The following DLGAP1 variants were observed in gnomAD, a reference collection of about 807,000 sequenced individuals.
DLGAP1 encodes the protein disks large-associated protein 1.
A neutral mutation model predicts 90.8 loss-of-function variants in DLGAP1; 11 were observed. The observed-to-expected ratio is 0.12, with a 90% CI of 0.08 to 0.20. DLGAP1 has a LOEUF of 0.20. DLGAP1 is among the 10% of genes least tolerant of loss of function. The pLI is 1.00. For missense variants in DLGAP1, 1,050 were observed against 1,333.8 expected, an observed-to-expected ratio of 0.79 and a Z score of 3.31; for synonymous variants, 558 against 540.7, an observed-to-expected ratio of 1.03 and a Z score of -0.44.
At chr18:3,956,492 T>G (rs1040742072) in intron 3 of DLGAP1, among the ~76,000 whole-genome samples, 44 of 151,772 alleles carry the variant, frequency 2.9e-4, no homozygotes, top group African/African-American at 1.0e-3. Context: ...GGGACTACAG[T>G]CACCCGCCAC....
At chr18:3,508,750 A>G in intron 10 of DLGAP1, 89 bp from the exon 11 acceptor site, 1 of 1,056,812 alleles carries the variant, frequency 9.5e-7, no homozygotes. Flanking sequence ...TTATGCTGTA[A>G]TAATTAGGGA....
chr18:3,591,840 G>A (rs1235961058), intron 7 of DLGAP1, among the ~76,000 whole-genome samples: 1 of 152,114 alleles, frequency 6.6e-6, no homozygotes, highest in Non-Finnish European at 1.5e-5. Context: ...AACAACAAAG[G>A]CAAGGGCTCA....
intron 2 of DLGAP1, among the ~76,000 whole-genome samples, chr18:4,048,601 T>C (rs138131862): frequency 4.0e-3 from 605 of 152,338 alleles, no homozygotes; most frequent in Non-Finnish European, 7.0e-3. Flanking sequence ...ACAATGTCGA[T>C]AGACTGAGAG....
intron 1 of DLGAP1, among the ~76,000 whole-genome samples, chr18:4,427,588 A>G (rs1033117929): frequency 6.6e-6 from 1 of 152,164 alleles, no homozygotes; most frequent in African/African-American, 2.4e-5. Flanking sequence ...CTGCCATCAA[A>G]GATAGTAGAA....
rs144019252 is a variant in DLGAP1, at chr18:4,399,164, T to A, written c.-267+55842A>T. Among the ~76,000 whole-genome samples, 432 of 152,302 alleles carry A rather than the reference T, an allele frequency of 2.8e-3. 2 individuals are homozygous for A. Among genetic ancestry groups the A allele is most frequent in the Non-Finnish European group, 5.1e-3 (348 of 68,024 alleles). On this transcript the variant is annotated intron_variant, in intron 1 of 12. Coordinates refer to ENST00000315677, the MANE Select transcript of DLGAP1 (RefSeq NM_004746.4). ...CCATTTTAAAAATCATTAGAAAAGA[T>A]GATTTCAAAATATCTTTTTCATAAC...
At chr18:3,665,352 C>T (rs1331906932) in intron 7 of DLGAP1, among the ~76,000 whole-genome samples, 1 of 151,870 alleles carries the variant, frequency 6.6e-6, no homozygotes, top group African/African-American at 2.4e-5. Flanking sequence ...CTTCCATAAC[C>T]ATTGCTCTCA....
intron 1 of DLGAP1, among the ~76,000 whole-genome samples, chr18:4,223,279 T>C (rs1330584250): frequency 6.6e-6 from 1 of 152,166 alleles, no homozygotes; most frequent in Non-Finnish European, 1.5e-5. Context: ...AACATGTTTA[T>C]GCAGGAATAA....
intron 3 of DLGAP1, among the ~76,000 whole-genome samples, chr18:3,963,583 G>GT (rs35099419): frequency 0.034 from 3,964 of 117,510 alleles, 86 homozygotes; most frequent in Non-Finnish European, 0.039. Flanking sequence ...ACTTTGGGCT[G>GT]TTTTTTTTTT....
At position 4,059,713 on chromosome 18, in the gene DLGAP1, A is replaced by AAAAAT. The variant is rs71368724; in HGVS notation, c.-158-54513_-158-54512insATTTT. On this transcript the variant is annotated intron_variant, in intron 2 of 12. Transcript: ENST00000315677. The stretch of plus-strand genomic sequence containing the variant: ...ACAACAGGAGCAAAACTCCATCTCA[A>AAAAAT]AAATAAATAAATAAATAAATAAATA... 7.4e-3 allele frequency among the ~76,000 whole-genome samples: 1,114 copies of AAAAAT among 150,560 alleles called. 6 individuals carry two copies. Among genetic ancestry groups the AAAAAT allele is most frequent in the Non-Finnish European group, 0.012 (787 of 67,756 alleles).
intron 2 of DLGAP1, among the ~76,000 whole-genome samples, chr18:4,031,655 C>T (rs972854374): frequency 6.6e-6 from 1 of 152,058 alleles, no homozygotes; most frequent in Admixed American, 6.6e-5. Flanking sequence ...AAGAGCTTTC[C>T]AATAGTCAGT....
At chr18:4,265,191 C>T (rs58313311) in intron 1 of DLGAP1, among the ~76,000 whole-genome samples, 3,552 of 146,306 alleles carry the variant, frequency 0.024, 92 homozygotes, top group African/African-American at 0.061. Context: ...TTCTTTTTGA[C>T]GGAGTCTCCC....
chr18:4,344,343 G>T (rs1429826001), intron 1 of DLGAP1, among the ~76,000 whole-genome samples: 1 of 152,120 alleles, frequency 6.6e-6, no homozygotes, highest in Non-Finnish European at 1.5e-5. Context: ...CGCGATGCTA[G>T]AAAGTGGCAG....
chr18:3,511,351 C>CTTTTCTTTTCTTCCAAAGTTCT (rs1405471134), intron 10 of DLGAP1, among the ~76,000 whole-genome samples: 4 of 151,818 alleles, frequency 2.6e-5, no homozygotes, highest in African/African-American at 7.3e-5. Context: ...GAGGTAAGTT[C>CTTTTCTTTTCTTCCAAAGTTCT]TTTCTTCCAA....
At chr18:4,261,008 TGA>T (rs147754632) in intron 1 of DLGAP1, among the ~76,000 whole-genome samples, 3,318 of 152,262 alleles carry the variant, frequency 0.022, 126 homozygotes, top group African/African-American at 0.076. Flanking sequence ...GTTAATGAAA[TGA>T]GAGTGTGTAA....
chr18:4,424,284 G>A (rs998453945), intron 1 of DLGAP1, among the ~76,000 whole-genome samples: 1 of 152,050 alleles, frequency 6.6e-6, no homozygotes, highest in Non-Finnish European at 1.5e-5. Flanking sequence ...TATTAAATAG[G>A]GAACTAAGCA....
At position 4,074,195 on chromosome 18, in the gene DLGAP1, C is replaced by G. The variant is rs2075491708; in HGVS notation, c.-158-68994G>C. Among the ~76,000 whole-genome samples, 3 of 152,096 alleles carry G rather than the reference C, an allele frequency of 2.0e-5. No homozygotes were observed. In the South Asian group the frequency reaches 6.2e-4, roughly 31 times the overall value. On this transcript the variant is annotated intron_variant, in intron 2 of 12. Coordinates refer to ENST00000315677, the MANE Select transcript of DLGAP1 (RefSeq NM_004746.4). The stretch of plus-strand genomic sequence containing the variant: ...TAAATGGATTCTAGACTTAGTTCTA[C>G]TAACTACCTAAACTTGGGTAAGTAT...
intron 1 of DLGAP1, among the ~76,000 whole-genome samples, chr18:4,445,567 G>A (rs1012297525): frequency 1.3e-5 from 2 of 150,488 alleles, no homozygotes; most frequent in Non-Finnish European, 2.9e-5. Context: ...TTGTTCTTGC[G>A]ATAGTTTACT....
chr18:4,115,631 G>A (rs920869992), intron 2 of DLGAP1, among the ~76,000 whole-genome samples: 13 of 152,096 alleles, frequency 8.5e-5, no homozygotes, highest in African/African-American at 1.9e-4. Flanking sequence ...GACTACAGGC[G>A]CCTGCCACAA....
At chr18:4,349,292 A>C (rs186024354) in intron 1 of DLGAP1, among the ~76,000 whole-genome samples, 44 of 152,334 alleles carry the variant, frequency 2.9e-4, no homozygotes, top group Admixed American at 1.6e-3. Flanking sequence ...GACATTCTCC[A>C]AAACGACTGG....
Sources: gnomAD v4.1 joint callset for allele counts (sites outside exome capture counted in the v4.1 genomes callset) on GRCh38, gnomAD v4.1.1 for gene constraint, MANE v1.5 for transcripts, NCBI Gene and HGNC (gene_info 2026-07-23, HGNC 2026-07-21) for gene names.